MMRN1: variants seen among roughly 807,000 people sequenced by gnomAD.
MMRN1 encodes multimerin 1, also known as multimerin-1.
Under a neutral mutation model 100.7 loss-of-function variants are expected in MMRN1, and 94 were observed. The ratio of observed to expected loss-of-function variants is 0.93; its 90% confidence interval spans 0.79 to 1.11. MMRN1 has a LOEUF of 1.11. Ranked by LOEUF, MMRN1 falls within the 50% of genes least tolerant of loss-of-function variation. The pLI is 0.00. For missense variants in MMRN1, 1,606 were observed against 1,439.1 expected (o/e 1.12, Z -1.88); for synonymous variants, 575 against 505.0 (o/e 1.14, Z -1.86).
chr4:89,933,542 C>G (rs1722507302), intron 5 of MMRN1, among the ~76,000 whole-genome samples: 1 of 152,166 alleles, frequency 6.6e-6, no homozygotes, highest in South Asian at 2.1e-4. Context: ...AATGGACTCA[C>G]AGTTCCACAT....
intron 1 of MMRN1, among the ~76,000 whole-genome samples, chr4:89,899,122 A>G (rs1023176344): frequency 2.0e-5 from 3 of 152,032 alleles, no homozygotes; most frequent in Non-Finnish European, 4.4e-5. Flanking sequence ...ATTCTTAGTA[A>G]AAGGCGTATT....
At chr4:89,952,129 G>T (rs576496426) in intron 7 of MMRN1, among the ~76,000 whole-genome samples, 1 of 152,192 alleles carries the variant, frequency 6.6e-6, no homozygotes, top group South Asian at 2.1e-4. Context: ...ATTTATGTCT[G>T]GTATGGTCAT....
Position 89,953,482 on chromosome 4 carries a change from C to A in MMRN1, c.*64C>A. ...CAGCCAGTGTTTTCATTTATCTTTG[C>A]TTGCACATCTGCTCTGTTTTGGTTT... On this transcript the variant is annotated 3_prime_UTR_variant, in exon 8 of 8. Coordinates refer to ENST00000264790, the MANE Select transcript of MMRN1 (RefSeq NM_007351.3). The A allele has an allele frequency of 7.0e-7, 1 of 1,437,224 alleles. No homozygotes were observed. 89.0% of individuals were successfully genotyped at this position (1,437,224 alleles called of 1,614,324 possible). A position where few individuals can be genotyped will look rare whatever the true frequency, so the allele number is the denominator to read the frequency against.
intron 6 of MMRN1, among the ~76,000 whole-genome samples, chr4:89,940,181 G>A (rs540781671): frequency 6.6e-6 from 1 of 152,110 alleles, no homozygotes; most frequent in Non-Finnish European, 1.5e-5. Context: ...ACTTATCCCT[G>A]CAGAGAGCTT....
intron 3 of MMRN1, among the ~76,000 whole-genome samples, chr4:89,917,346 G>C (rs1231964665): frequency 6.6e-6 from 1 of 151,810 alleles, no homozygotes; most frequent in Non-Finnish European, 1.5e-5. Flanking sequence ...AATAAATCCT[G>C]TGTAAAATGC....
chr4:89,900,900 T>C (rs72657800), intron 1 of MMRN1, among the ~76,000 whole-genome samples: 27,186 of 151,892 alleles, frequency 0.18, 4,101 homozygotes, highest in African/African-American at 0.41. Flanking sequence ...AACAATACAG[T>C]CTTAAATGGG....
At chr4:89,931,241 G>A (rs779865781) in intron 5 of MMRN1, among the ~76,000 whole-genome samples, 8 of 152,062 alleles carry the variant, frequency 5.3e-5, no homozygotes, top group African/African-American at 7.2e-5. Context: ...TTACAGCTTC[G>A]TTTTTGTACA....
chr4:89,922,388 G>A (rs1722118161), intron 3 of MMRN1, among the ~76,000 whole-genome samples: 1 of 152,116 alleles, frequency 6.6e-6, no homozygotes, highest in Admixed American at 6.5e-5. Context: ...TTACAGGTGT[G>A]AGCCACCGCA....
At chr4:89,919,391 T>C (rs892905887) in intron 3 of MMRN1, among the ~76,000 whole-genome samples, 2 of 151,664 alleles carry the variant, frequency 1.3e-5, no homozygotes, top group Non-Finnish European at 3.0e-5. Context: ...GCAAACGATC[T>C]TTAACATAGT....
Position 89,924,058 on chromosome 4 carries a change from T to C in MMRN1, c.955+786T>C, listed in dbSNP as rs1004550565. Among the ~76,000 whole-genome samples, 9 of 152,206 alleles carry C rather than the reference T, an allele frequency of 5.9e-5. No homozygotes were observed. In the East Asian group the frequency reaches 1.7e-3, roughly 29 times the overall value. On this transcript the variant is annotated intron_variant, in intron 4 of 7. Coordinates refer to ENST00000264790, the MANE Select transcript of MMRN1 (RefSeq NM_007351.3). The stretch of plus-strand genomic sequence containing the variant: ...ATGTGTAAAGGGATAGACAGTATTA[T>C]TGCTATATAAAGTGATTCAAACTAA...
At chr4:89,918,587 A>T (rs1560587787) in intron 3 of MMRN1, among the ~76,000 whole-genome samples, 1 of 151,408 alleles carries the variant, frequency 6.6e-6, no homozygotes, top group African/African-American at 2.4e-5. Context: ...TCTCTTCTTT[A>T]TTTGATATAT....
intron 5 of MMRN1, among the ~76,000 whole-genome samples, chr4:89,930,734 G>A (rs1473271594): frequency 2.0e-5 from 3 of 151,838 alleles, no homozygotes; most frequent in Non-Finnish European, 4.4e-5. Context: ...TACACTCAAT[G>A]ATACTTACAT....
Position 89,895,558 on chromosome 4 carries a change from A to G in MMRN1, c.587A>G (p.Asp196Gly). Residue 196 changes from aspartate to glycine, a missense_variant, in exon 1 of 8, where the codon GAC becomes GGC. Asp to Gly is a moderately conservative substitution (Grantham distance 94). Coordinates refer to ENST00000264790, the MANE Select transcript of MMRN1 (RefSeq NM_007351.3). ...GACAGCAGTTCCAGCCAAAGAACTG[A>G]CTACCAAAAATCAAATTTCGAAACA... ...RGDSSSSQRT[D>G]YQKSNFETTR... 1 of 1,613,634 alleles carries G rather than the reference A, an allele frequency of 6.2e-7. No individual in the cohort carries two copies.
chr4:89,911,860 C>T (rs1465609261), intron 2 of MMRN1, 84 bp from the exon 3 acceptor site: 1 of 896,130 alleles, frequency 1.1e-6, no homozygotes, highest in African/African-American at 1.7e-5. Flanking sequence ...AGGCATTGCC[C>T]CAAAAACTTT....
intron 1 of MMRN1, chr4:89,902,057 C>T (rs966256361): frequency 5.9e-5 from 9 of 151,360 alleles, no homozygotes; most frequent in Middle Eastern, 3.2e-3. Flanking sequence ...GTTTACAACG[C>T]CCGGAATATG....
chr4:89,923,461 A>C (rs971598389), intron 4 of MMRN1, among the ~76,000 whole-genome samples, 189 bp downstream of exon 4: 1 of 152,230 alleles, frequency 6.6e-6, no homozygotes, highest in Admixed American at 6.5e-5. Flanking sequence ...TACTGAAAAG[A>C]CCATGTATAA....
At chr4:89,940,113 T>A (rs1358533705) in intron 6 of MMRN1, among the ~76,000 whole-genome samples, 2 of 152,178 alleles carry the variant, frequency 1.3e-5, no homozygotes, top group Non-Finnish European at 2.9e-5. Context: ...AATATTCTAA[T>A]AGACACCAAG....
intron 6 of MMRN1, among the ~76,000 whole-genome samples, chr4:89,947,875 TAG>T (rs1482712063): frequency 6.6e-6 from 1 of 152,134 alleles, no homozygotes; most frequent in African/African-American, 2.4e-5. Context: ...TTTTTTGAGA[TAG>T]AGTCTCACTC....
Position 89,953,341 on chromosome 4 carries a change from C to G in MMRN1, c.3610C>G (p.Arg1204Gly). The change falls in exon 8 of 8, where the codon CGA becomes GGA. Residue 1204 changes from arginine (R) to glycine (G), a missense_variant. By Grantham distance (125) the Arg-to-Gly change is moderately radical. Coordinates refer to ENST00000264790, the MANE Select transcript of MMRN1 (RefSeq NM_007351.3). ...AAATTATGGGCAGGAAGTCTGGTTA[C>G]GACTTGCAAAAGGAACAATTCCAGC... Reference protein sequence around the residue: ...ELNYGQEVWLRLAKGTIPAKF... With the variant: ...ELNYGQEVWLGLAKGTIPAKF... The G allele has an allele frequency of 1.2e-6, 2 of 1,613,646 alleles. No individual in the cohort carries two copies. The highest frequency in any genetic ancestry group is 1.7e-6 in the Non-Finnish European group (2 of 1,179,760).
Sources: gnomAD v4.1 joint callset for allele counts (sites outside exome capture counted in the v4.1 genomes callset) on GRCh38, gnomAD v4.1.1 for gene constraint, MANE v1.5 for transcripts, NCBI Gene and HGNC (gene_info 2026-07-23, HGNC 2026-07-21) for gene names.